Variants in SIPA1L2 observed in about 807,000 individuals in gnomAD.
SIPA1L2 encodes the protein signal-induced proliferation-associated 1-like protein 2.
SIPA1L2 carries 56 observed loss-of-function variants against 163.9 expected under a neutral mutation model. The ratio of observed to expected loss-of-function variants is 0.34; its 90% confidence interval spans 0.28 to 0.43. The LOEUF (loss-of-function observed/expected upper bound fraction) is 0.43. SIPA1L2 is among the 20% of genes least tolerant of loss of function. The pLI is 1.00. For synonymous variants in SIPA1L2, 877 were observed against 865.7 expected (o/e 1.01, Z -0.23); for missense variants, 1,974 against 2,193.5 (o/e 0.90, Z 2.00).
Position 232,514,260 on chromosome 1 carries a change from C to A in SIPA1L2, c.1080G>T (p.Gly360=), listed in dbSNP as rs372697087. The A allele has an allele frequency of 6.2e-7, 1 of 1,613,996 alleles. No individual in the cohort carries two copies. The highest frequency in any genetic ancestry group is 1.7e-5 in the Admixed American group (1 of 60,014). Residue 360 remains glycine, a synonymous_variant, in exon 3 of 23, where the codon GGG becomes GGT. Transcript: ENST00000674635. ...NVGKRKNITT[G]ASAASQTQMP... ...TCTGAGTCTGGGATGCTGCAGATGC[C>A]CCAGTGGTTATGTTTTTCCTTTTCC...
chr1:232,460,337 G>T (rs1281256907), intron 10 of SIPA1L2, among the ~76,000 whole-genome samples: 1 of 152,118 alleles, frequency 6.6e-6, no homozygotes, highest in Non-Finnish European at 1.5e-5. Context: ...TCTCCTGACA[G>T]TTTATGATAA....
chr1:232,563,175 G>A (rs556613298), intron 2 of SIPA1L2, among the ~76,000 whole-genome samples: 1 of 152,264 alleles, frequency 6.6e-6, no homozygotes, highest in East Asian at 1.9e-4. Flanking sequence ...AAATAGTATG[G>A]TTTGGCAGGC....
intron 2 of SIPA1L2, among the ~76,000 whole-genome samples, chr1:232,545,798 TATA>T (rs1320359686): frequency 6.6e-5 from 10 of 152,258 alleles, no homozygotes; most frequent in African/African-American, 2.2e-4. Flanking sequence ...GATAATGTTC[TATA>T]ATATTTTTCA....
At chr1:232,457,457 A>T (rs995275930) in intron 10 of SIPA1L2, among the ~76,000 whole-genome samples, 1 of 152,202 alleles carries the variant, frequency 6.6e-6, no homozygotes, top group Admixed American at 6.5e-5. Context: ...GTAAAAATGT[A>T]TATGTATATA....
chr1:232,603,535 G>A (rs1661721938), intron 1 of SIPA1L2, among the ~76,000 whole-genome samples: 1 of 152,086 alleles, frequency 6.6e-6, no homozygotes, highest in Non-Finnish European at 1.5e-5. Flanking sequence ...AAGCAACAGA[G>A]GATGCGGCCT....
intron 1 of SIPA1L2, among the ~76,000 whole-genome samples, chr1:232,580,657 A>C (rs1660326031): frequency 6.6e-6 from 1 of 152,106 alleles, no homozygotes; most frequent in Non-Finnish European, 1.5e-5. Context: ...CCTCAGACAG[A>C]ATGGATGGTA....
chr1:232,524,711 A>G (rs1031089342), intron 2 of SIPA1L2, among the ~76,000 whole-genome samples: 1 of 152,156 alleles, frequency 6.6e-6, no homozygotes, highest in Non-Finnish European at 1.5e-5. Flanking sequence ...GAGGATTTAT[A>G]ATATAATATT....
chr1:232,573,302 TA>T (rs1659901981), intron 2 of SIPA1L2, among the ~76,000 whole-genome samples: 1 of 151,948 alleles, frequency 6.6e-6, no homozygotes, highest in Admixed American at 6.6e-5. Context: ...TTGGTGTGAG[TA>T]AGGAATCGAT....
intron 2 of SIPA1L2, among the ~76,000 whole-genome samples, chr1:232,532,868 C>T (rs1402529188): frequency 6.6e-6 from 1 of 152,168 alleles, no homozygotes; most frequent in Non-Finnish European, 1.5e-5. Flanking sequence ...ACCTCTACTG[C>T]AGGAGAAACG....
intron 17 of SIPA1L2, 47 bp downstream of exon 17, chr1:232,428,350 CTTTTTTTTTTTTTT>C: frequency 4.8e-6 from 4 of 837,804 alleles, no homozygotes; most frequent in Non-Finnish European, 6.5e-6. Context: ...TTTCTTTAGA[CTTTTTTTTTTTTTT>C]TTTTTTTAGT....
chr1:232,533,727 A>AAG (rs1657122855), intron 2 of SIPA1L2, among the ~76,000 whole-genome samples: 1 of 152,208 alleles, frequency 6.6e-6, no homozygotes, highest in African/African-American at 2.4e-5. Context: ...TACACAACTT[A>AAG]GAGTGTTCCA....
At chr1:232,572,091 T>A (rs61154040) in intron 2 of SIPA1L2, among the ~76,000 whole-genome samples, 22,325 of 152,182 alleles carry the variant, frequency 0.15, 1,747 homozygotes, top group South Asian at 0.26. Flanking sequence ...TACACGTCTG[T>A]ATACACCTGA....
At chr1:232,491,585 A>G (rs1246500182) in intron 4 of SIPA1L2, among the ~76,000 whole-genome samples, 1 of 152,232 alleles carries the variant, frequency 6.6e-6, no homozygotes, top group East Asian at 1.9e-4. Flanking sequence ...TTCAGGGCTG[A>G]GAAAATTGCC....
intron 2 of SIPA1L2, among the ~76,000 whole-genome samples, chr1:232,542,171 C>T (rs789638): frequency 1.3e-5 from 2 of 152,054 alleles, no homozygotes; most frequent in Non-Finnish European, 2.9e-5. Flanking sequence ...AAAGTCGCTT[C>T]GCGATATATA....
chr1:232,411,754 G>A (rs1167219170), intron 19 of SIPA1L2, among the ~76,000 whole-genome samples: 1 of 151,482 alleles, frequency 6.6e-6, no homozygotes, highest in Non-Finnish European at 1.5e-5. Context: ...CCTCTCTCTG[G>A]GTGTAGTCCA....
chr1:232,536,330 T>A (rs1227460675), intron 2 of SIPA1L2, among the ~76,000 whole-genome samples: 4 of 152,186 alleles, frequency 2.6e-5, no homozygotes, highest in Non-Finnish European at 5.9e-5. Context: ...TGTAGATGGT[T>A]TTCACAGGCA....
intron 3 of SIPA1L2, among the ~76,000 whole-genome samples, chr1:232,500,804 C>T (rs757920985): frequency 3.0e-4 from 45 of 152,116 alleles, no homozygotes; most frequent in Non-Finnish European, 5.6e-4. Context: ...TTTTGAAAGA[C>T]GTTCTACTGT....
chr1:232,425,916 T>C, intron 17 of SIPA1L2, 108 bp from the exon 18 acceptor site: 1 of 996,276 alleles, frequency 1.0e-6, no homozygotes, highest in Non-Finnish European at 1.5e-6. Flanking sequence ...ATAGCTTCTT[T>C]GAGTTTTCTC....
intron 2 of SIPA1L2, among the ~76,000 whole-genome samples, chr1:232,528,959 G>C (rs904404390): frequency 3.9e-5 from 6 of 152,172 alleles, no homozygotes; most frequent in African/African-American, 1.2e-4. Flanking sequence ...ATCAGAACAT[G>C]AGATCTTAAG....
Sources: gnomAD v4.1 joint callset for allele counts (sites outside exome capture counted in the v4.1 genomes callset) on GRCh38, gnomAD v4.1.1 for gene constraint, MANE v1.5 for transcripts, NCBI Gene and HGNC (gene_info 2026-07-23, HGNC 2026-07-21) for gene names.